The following AHI1 variants were observed in gnomAD, a reference collection of about 807,000 sequenced individuals.
The protein encoded by AHI1 is jouberin.
AHI1 carries 123 observed loss-of-function variants against 149.3 expected under a neutral mutation model. That is an observed-to-expected ratio of 0.82 (90% CI 0.71 to 0.96). AHI1 has a LOEUF of 0.96. AHI1 is among the 40% of genes least tolerant of loss of function. The pLI, the probability that AHI1 is intolerant of heterozygous loss-of-function variation, is 0.00. For synonymous variants in AHI1, 475 were observed against 459.8 expected (o/e 1.03, Z -0.42); for missense variants, 1,439 against 1,422.7 (o/e 1.01, Z -0.18).
At position 135,465,811 on chromosome 6, in the gene AHI1, T is replaced by C. The variant is rs1320276187; in HGVS notation, c.749+3A>G. 6.9e-7 allele frequency: 1 copy of C among 1,447,178 alleles called. No individual in the cohort carries two copies. The highest frequency in any genetic ancestry group is 1.4e-5 in the African/African-American group (1 of 69,790). 89.6% of individuals were successfully genotyped at this position (1,447,178 alleles called of 1,614,324 possible). The stretch of plus-strand genomic sequence containing the variant: ...TATTTTACATTTATCAATGCAAAAA[T>C]ACCTTGTTTCAGCTTTAGAGAAGAC... On this transcript the variant is annotated splice_donor_region_variant and intron_variant, in intron 7 of 28. Transcript: ENST00000265602.
intron 26 of AHI1, among the ~76,000 whole-genome samples, chr6:135,305,837 C>T (rs780848836): frequency 3.9e-5 from 6 of 152,210 alleles, no homozygotes; most frequent in Non-Finnish European, 7.3e-5. Flanking sequence ...TTTCTGCTTT[C>T]AACCTTGCAT....
chr6:135,344,856 A>C (rs1025877929), intron 24 of AHI1, among the ~76,000 whole-genome samples: 4 of 151,924 alleles, frequency 2.6e-5, no homozygotes, highest in African/African-American at 9.7e-5. Flanking sequence ...CCACAGGCAG[A>C]GCAAGCCTAC....
chr6:135,457,695 T>A lies in AHI1; in HGVS notation c.950A>T (p.Asp317Val), dbSNP rs769064296. 1 of 1,613,798 alleles carries A rather than the reference T, an allele frequency of 6.2e-7. No individual in the cohort carries two copies. Among genetic ancestry groups the A allele is most frequent in the East Asian group, 2.2e-5 (1 of 44,854 alleles). Residue 317 changes from aspartate to valine, a missense_variant, in exon 9 of 29, where the codon GAT becomes GTT. Transcript: ENST00000265602. ...KTKAVADNNE[D>V]VDGDGVHEIT... is the part of the protein sequence containing the mutation. The stretch of plus-strand genomic sequence containing the variant: ...TTCATGAACACCATCACCATCAACA[T>A]CTTCATTATTATCTGCAACTACACG...
intron 23 of AHI1, among the ~76,000 whole-genome samples, chr6:135,390,721 T>C (rs538522286): frequency 6.6e-6 from 1 of 152,348 alleles, no homozygotes; most frequent in East Asian, 1.9e-4. Context: ...AATTGAGTAA[T>C]AAAAGTTTTG....
At chr6:135,357,701 C>T (rs963419962) in intron 24 of AHI1, among the ~76,000 whole-genome samples, 1 of 152,184 alleles carries the variant, frequency 6.6e-6, no homozygotes, top group Non-Finnish European at 1.5e-5. Context: ...TAATAATTAT[C>T]TTCCTTCTAT....
rs1562750577 is a variant in AHI1, at chr6:135,430,011, T to A, written c.2374-11A>T. ...AGTTTCTTTAATTTCCTAAAATGAT[T>A]AAAAAAAATACTACTACTGAAAAGT... On this transcript the variant is annotated splice_polypyrimidine_tract_variant and intron_variant, in intron 17 of 28. Transcript: ENST00000265602. The A allele has an allele frequency of 1.4e-6, 2 of 1,415,578 alleles. No homozygotes were observed. The highest frequency in any genetic ancestry group is 4.4e-5 in the Admixed American group (2 of 45,412). The allele number at this position is 1,415,578 out of a possible 1,614,324, so 87.7% of individuals were successfully genotyped here.
intron 26 of AHI1, chr6:135,301,014 A>T: frequency 1.0e-6 from 1 of 984,908 alleles, no homozygotes; most frequent in Non-Finnish European, 1.2e-6. Context: ...TTAAATCTAC[A>T]AAATGTGTTC....
At chr6:135,441,775 T>C (rs1583249374) in intron 14 of AHI1, among the ~76,000 whole-genome samples, 1 of 152,162 alleles carries the variant, frequency 6.6e-6, no homozygotes, top group Non-Finnish European at 1.5e-5. Flanking sequence ...AAAAATAGCA[T>C]AGTGGTAATC....
chr6:135,469,023 G>A (rs915943012), intron 5 of AHI1, among the ~76,000 whole-genome samples: 2 of 152,004 alleles, frequency 1.3e-5, no homozygotes, highest in Admixed American at 6.6e-5. Context: ...AGCATCATCC[G>A]GATACCAAAA....
intron 24 of AHI1, among the ~76,000 whole-genome samples, chr6:135,348,242 T>C (rs974973586): frequency 6.6e-6 from 1 of 152,186 alleles, no homozygotes; most frequent in Non-Finnish European, 1.5e-5. Context: ...ACCAGGGTAC[T>C]AGCAGTTTGA....
At chr6:135,444,954 T>C (rs1786935575) in intron 13 of AHI1, among the ~76,000 whole-genome samples, 1 of 152,222 alleles carries the variant, frequency 6.6e-6, no homozygotes, top group African/African-American at 2.4e-5. Context: ...ACTGCTGATC[T>C]GTACAATCAT....
intron 24 of AHI1, among the ~76,000 whole-genome samples, chr6:135,340,867 T>A (rs1790265271): frequency 6.6e-6 from 1 of 151,288 alleles, no homozygotes; most frequent in South Asian, 2.1e-4. Context: ...TTTTATATAC[T>A]ACTGAAATTA....
intron 24 of AHI1, among the ~76,000 whole-genome samples, chr6:135,350,613 A>C (rs1000898916): frequency 2.6e-5 from 4 of 152,130 alleles, no homozygotes; most frequent in Non-Finnish European, 5.9e-5. Context: ...ACTGCTAAGG[A>C]AAAAAAAGAA....
At chr6:135,392,827 G>T (rs766771801) in intron 23 of AHI1, among the ~76,000 whole-genome samples, 1 of 152,136 alleles carries the variant, frequency 6.6e-6, no homozygotes, top group Admixed American at 6.6e-5. Flanking sequence ...TCCATGTTTA[G>T]AAATAGAGTT....
At chr6:135,446,193 T>C (rs765185408) in intron 13 of AHI1, among the ~76,000 whole-genome samples, 1 of 152,266 alleles carries the variant, frequency 6.6e-6, no homozygotes, top group Non-Finnish European at 1.5e-5. Context: ...CAAATGAATA[T>C]GCTAAAGCTC....
At position 135,455,765 on chromosome 6, in the gene AHI1, T is replaced by TC. The variant is rs748438350; in HGVS notation, c.1312dup (p.Asp438GlyfsTer2). On this transcript the variant is annotated frameshift_variant, in exon 10 of 29. Coordinates refer to ENST00000265602, the MANE Select transcript of AHI1 (RefSeq NM_001134831.2). LOFTEE classifies it high-confidence loss of function. ...GAACAGGATGACTTTAGGACTCTCATCAGAGCCTCGAAGCAAATAGGGAAA... is the reference window on the plus strand; with the variant it reads ...GAACAGGATGACTTTAGGACTCTCATCCAGAGCCTCGAAGCAAATAGGGAAA... 2.5e-6 allele frequency: 4 copies of TC among 1,604,162 alleles called. No individual in the cohort carries two copies. In the East Asian group the frequency reaches 6.7e-5, roughly 27 times the overall value.
chr6:135,356,529 T>C (rs1582786565), intron 24 of AHI1, among the ~76,000 whole-genome samples: 1 of 152,056 alleles, frequency 6.6e-6, no homozygotes, highest in Admixed American at 6.6e-5. Flanking sequence ...GGGAGAGAGG[T>C]AGTAACATCC....
intron 27 of AHI1, among the ~76,000 whole-genome samples, chr6:135,296,572 C>T (rs1047317426): frequency 3.2e-4 from 49 of 152,262 alleles, no homozygotes; most frequent in South Asian, 1.9e-3. Context: ...GCTTCAGGGC[C>T]CGCTGCACTT....
intron 24 of AHI1, among the ~76,000 whole-genome samples, chr6:135,326,227 C>T (rs943771939): frequency 1.3e-5 from 2 of 152,048 alleles, no homozygotes; most frequent in African/African-American, 2.4e-5. Context: ...ATGGCCTTTA[C>T]GGAGGTAATT....
Sources: gnomAD v4.1 joint callset for allele counts (sites outside exome capture counted in the v4.1 genomes callset) on GRCh38, gnomAD v4.1.1 for gene constraint, MANE v1.5 for transcripts, NCBI Gene and HGNC (gene_info 2026-07-23, HGNC 2026-07-21) for gene names.